ZNF195: variants seen among roughly 807,000 people sequenced by gnomAD.
ZNF195 encodes the protein hypoxia-regulated factor-1.
ZNF195 carries 11 observed loss-of-function variants against 19.5 expected under a neutral mutation model. The observed-to-expected ratio is 0.57, with a 90% confidence interval of 0.36 to 0.94. The LOEUF is 0.94. Ranked by LOEUF, ZNF195 falls within the 40% of genes least tolerant of loss-of-function variation. ZNF195 has a pLI of 0.01. For missense variants in ZNF195, 582 were observed against 709.0 expected, an observed-to-expected ratio of 0.82 and a Z score of 2.03; for synonymous variants, 214 against 248.1, an observed-to-expected ratio of 0.86 and a Z score of 1.29.
At chr11:3,360,616 C>T (rs1158665972) in intron 5 of ZNF195, 51 bp from the exon 6 acceptor site, 1 of 1,548,222 alleles carries the variant, frequency 6.5e-7, no homozygotes, top group African/African-American at 1.4e-5. Context: ...GATGAATACA[C>T]TTTATGAATC....
rs1848534281 is a variant in ZNF195, at chr11:3,359,700, T to C, written c.1308A>G (p.Lys436=). 3 of 1,614,248 alleles carry C rather than the reference T, an allele frequency of 1.9e-6. No homozygotes were observed. The highest frequency in any genetic ancestry group is 4.5e-5 in the East Asian group (2 of 44,888). Residue 436 remains lysine (K), a synonymous_variant, in exon 6 of 6, where the codon AAA becomes AAG. Coordinates refer to ENST00000399602, the MANE Select transcript of ZNF195 (RefSeq NM_001130520.3). This position sits in a 1 kb window ranked among gnomAD's most constrained non-coding sequence, Gnocchi z 5.5. ...TCCCACATTCGTCACATTTGTATGG[T>C]TTCTCACCAGTGTGAATTCTCTTAT... ...TKHKRIHTGE[K]PYKCDECGKA...
chr11:3,378,966 C>T lies in ZNF195; in HGVS notation c.3+72G>A, dbSNP rs559260042. 8 of 1,334,348 alleles carry T rather than the reference C, an allele frequency of 6.0e-6. No homozygotes were observed. The Admixed American group carries it at 2.4e-4, about 40-fold the overall frequency. 82.7% of individuals were successfully genotyped at this position (1,334,348 alleles called of 1,614,324 possible). On this transcript the variant is annotated intron_variant, in intron 1 of 5. Coordinates refer to ENST00000399602, the MANE Select transcript of ZNF195 (RefSeq NM_001130520.3). ...CGGAACCCACCCGGGCAGCCCGGTTCCTCCCGAGCCGGTACCGCGGGTTCC... is the reference window on the plus strand; with the variant it reads ...CGGAACCCACCCGGGCAGCCCGGTTTCTCCCGAGCCGGTACCGCGGGTTCC...
At position 3,360,012 on chromosome 11, in the gene ZNF195, A is replaced by T. The variant is rs766082692; in HGVS notation, c.996T>A (p.Phe332Leu). Reference sequence around the variant, plus strand: ...GGGAGCACTGGTTAAATACTTTGCCAAATTCTTCACATCTGTAATGTTCCC... The same window carrying T: ...GGGAGCACTGGTTAAATACTTTGCCTAATTCTTCACATCTGTAATGTTCCC... ...AGGEHYRCEEFGKVFNQCSHL... is the reference protein window; with the variant it reads ...AGGEHYRCEELGKVFNQCSHL... Residue 332 changes from phenylalanine (F) to leucine (L), a missense_variant, in exon 6 of 6, where the codon TTT becomes TTA. Phe to Leu is a conservative substitution (Grantham distance 22). Transcript: ENST00000399602. 2.5e-6 allele frequency: 4 copies of T among 1,613,936 alleles called. No individual in the cohort carries two copies. The highest frequency in any genetic ancestry group is 1.6e-4 in the Middle Eastern group (1 of 6,084).
At chr11:3,368,630 A>C (rs1366508839) in intron 3 of ZNF195, among the ~76,000 whole-genome samples, 2 of 152,260 alleles carry the variant, frequency 1.3e-5, no homozygotes, top group Non-Finnish European at 2.9e-5. Context: ...ATCTATAGGA[A>C]AAAGAACAAG....
chr11:3,371,545 T>C (rs1215011794), intron 2 of ZNF195, 32 bp downstream of exon 2: 18 of 1,613,804 alleles, frequency 1.1e-5, no homozygotes, highest in South Asian at 6.6e-5. Context: ...CTTTAGGGCA[T>C]AGGAGGAACT....
intron 3 of ZNF195, among the ~76,000 whole-genome samples, chr11:3,368,433 T>C (rs7121738): frequency 0.75 from 114,180 of 152,130 alleles, 43,216 homozygotes; most frequent in Middle Eastern, 0.8. Flanking sequence ...CACAGAGAGA[T>C]CTCATCTCAC....
intron 2 of ZNF195, chr11:3,371,286 G>T: frequency 1.5e-6 from 1 of 655,110 alleles, no homozygotes; most frequent in Non-Finnish European, 2.5e-6. Context: ...AATTGGTGGT[G>T]GAAATTTGAC....
At chr11:3,370,710 C>T (rs555671363) in intron 3 of ZNF195, among the ~76,000 whole-genome samples, 2 of 152,376 alleles carry the variant, frequency 1.3e-5, no homozygotes, top group Non-Finnish European at 2.9e-5. Flanking sequence ...TGAGACCACA[C>T]AGGCCCTTAC....
Position 3,358,497 on chromosome 11 carries a change from G to C in ZNF195, c.*621C>G, listed in dbSNP as rs1848481353. On this transcript the variant is annotated 3_prime_UTR_variant, in exon 6 of 6. Transcript: ENST00000399602. ...AGAGAAAAGAATTTCTCATATCTCT[G>C]ACGCAGCAACAACTGACCATGTGTT... The C allele has an allele frequency of 2.0e-5, 3 of 152,152 alleles. No individual in the cohort carries two copies. The South Asian group carries it at 6.2e-4, about 31-fold the overall frequency. The allele number at this position is 152,152 out of a possible 1,614,324, so 9.4% of individuals were successfully genotyped here.
chr11:3,364,009 T>C (rs1315904088), intron 3 of ZNF195, among the ~76,000 whole-genome samples: 2 of 152,134 alleles, frequency 1.3e-5, no homozygotes, highest in Non-Finnish European at 2.9e-5. Context: ...GAAAAAAAGG[T>C]TGTTAACTTT....
chr11:3,370,972 C>T lies in ZNF195; in HGVS notation c.226+3G>A, dbSNP rs764607061. ...GTTACCTGCTTCGTTCATTCCCACCCACCTGGATGTCCGTCTGCTGCCTCC... is the reference window on the plus strand; with the variant it reads ...GTTACCTGCTTCGTTCATTCCCACCTACCTGGATGTCCGTCTGCTGCCTCC... On this transcript the variant is annotated splice_donor_region_variant and intron_variant, in intron 3 of 5. Coordinates refer to ENST00000399602, the MANE Select transcript of ZNF195 (RefSeq NM_001130520.3). 7 of 1,613,756 alleles carry T rather than the reference C, an allele frequency of 4.3e-6. No individual in the cohort carries two copies. The South Asian group carries it at 7.7e-5, about 18-fold the overall frequency.
chr11:3,360,087 G>T lies in ZNF195; in HGVS notation c.921C>A (p.Asn307Lys). The change falls in exon 6 of 6, where the codon AAC (asparagine) becomes AAA (lysine). Residue 307 changes from asparagine to lysine, a missense_variant. Asn to Lys is a moderately conservative substitution (Grantham distance 94). Around this residue, in one of 3 missense-constraint regions of ZNF195, gnomAD observed 407 missense variants for 530.5 expected, o/e 0.77. Transcript: ENST00000399602. ...EKPYKCQECN[N>K]VIKTCSVLTK... is the part of the protein sequence containing the mutation. ...TAAGGACTGAGCAAGTTTTAATGACGTTGTTACATTCTTGACACTTGTAAG... is the reference window on the plus strand; with the variant it reads ...TAAGGACTGAGCAAGTTTTAATGACTTTGTTACATTCTTGACACTTGTAAG... The T allele has an allele frequency of 6.2e-7, 1 of 1,614,028 alleles. No homozygotes were observed. The highest frequency in any genetic ancestry group is 8.5e-7 in the Non-Finnish European group (1 of 1,180,014).
At chr11:3,360,869 C>CT (rs2134688334) in intron 4 of ZNF195, 81 bp from the exon 5 acceptor site, 1 of 1,226,934 alleles carries the variant, frequency 8.2e-7, no homozygotes, top group Non-Finnish European at 1.1e-6. Context: ...AGCATCATGC[C>CT]TTTAAGAGTA....
At chr11:3,364,672 C>T (rs74349177) in intron 3 of ZNF195, among the ~76,000 whole-genome samples, 2,159 of 152,092 alleles carry the variant, frequency 0.014, 36 homozygotes, top group African/African-American at 0.047. Context: ...ACAAGGTCTG[C>T]AAAACACAAT....
intron 3 of ZNF195, chr11:3,369,605 G>A (rs1849081638): frequency 2.8e-6 from 1 of 363,336 alleles, no homozygotes; most frequent in South Asian, 2.0e-5. Context: ...TGACCCTGAA[G>A]GACATCCTGC....
chr11:3,373,546 G>A (rs988694963), intron 1 of ZNF195: 1 of 1,505,476 alleles, frequency 6.6e-7, no homozygotes, highest in South Asian at 1.2e-5. Flanking sequence ...GAGCAAAAGT[G>A]GACACAACCC....
At chr11:3,367,281 CA>C (rs1848943541) in intron 3 of ZNF195, among the ~76,000 whole-genome samples, 1 of 151,834 alleles carries the variant, frequency 6.6e-6, no homozygotes, top group African/African-American at 2.4e-5. Context: ...TATATACATA[CA>C]AGGAATATTA....
At chr11:3,377,595 T>C in intron 1 of ZNF195, 9 of 1,153,334 alleles carry the variant, frequency 7.8e-6, no homozygotes, top group Non-Finnish European at 9.9e-6. Flanking sequence ...GTGAAGACAA[T>C]CTTAATGTCC....
chr11:3,361,070 G>A (rs550544732), intron 4 of ZNF195, among the ~76,000 whole-genome samples: 9 of 152,302 alleles, frequency 5.9e-5, no homozygotes, highest in African/African-American at 1.9e-4. Flanking sequence ...CCATGACAGC[G>A]GTAGGAAGGC....
Sources: gnomAD v4.1 joint callset for allele counts (sites outside exome capture counted in the v4.1 genomes callset) on GRCh38, gnomAD v4.1.1 for gene constraint, gnomAD v4.1.1 regional missense constraint, Gnocchi (gnomAD v3.1) non-coding constraint, MANE v1.5 for transcripts, NCBI Gene and HGNC (gene_info 2026-07-23, HGNC 2026-07-21) for gene names.